METTL16: variants seen among roughly 807,000 people sequenced by gnomAD.
METTL16 encodes methyltransferase 16, RNA N6-adenosine, also known as RNA N(6)-adenosine-methyltransferase METTL16.
METTL16 carries 19 observed loss-of-function variants against 57.9 expected under a neutral mutation model. That is an observed-to-expected ratio of 0.33 (90% CI 0.23 to 0.48). The LOEUF is 0.48. METTL16 is among the 20% of genes least tolerant of loss of function. The pLI, the probability that METTL16 is intolerant of heterozygous loss-of-function variation, is 0.99. For synonymous variants in METTL16, 246 were observed against 255.6 expected (o/e 0.96, Z 0.36); for missense variants, 434 against 691.5 (o/e 0.63, Z 4.18).
At chr17:2,507,560 T>C (rs1433036116) in intron 1 of METTL16, among the ~76,000 whole-genome samples, 2 of 151,482 alleles carry the variant, frequency 1.3e-5, no homozygotes, top group Non-Finnish European at 2.9e-5. Flanking sequence ...GGGGCGCCTC[T>C]GCCCGGCCGC....
At chr17:2,426,728 C>CAAAAAAAAAAAAA (rs778818177) in intron 8 of METTL16, among the ~76,000 whole-genome samples, 2 of 35,152 alleles carry the variant, frequency 5.7e-5, no homozygotes, top group Non-Finnish European at 1.2e-4. Flanking sequence ...GACTCCGTCT[C>CAAAAAAAAAAAAA]AAAAAAAAAA....
chr17:2,477,094 C>T (rs1372931698), intron 3 of METTL16, among the ~76,000 whole-genome samples: 3 of 152,148 alleles, frequency 2.0e-5, no homozygotes, highest in Non-Finnish European at 4.4e-5. Flanking sequence ...GTAATCCCAG[C>T]ACTTTGGGAA....
At chr17:2,457,576 C>T (rs985964848) in intron 6 of METTL16, among the ~76,000 whole-genome samples, 2 of 151,556 alleles carry the variant, frequency 1.3e-5, no homozygotes, top group Non-Finnish European at 2.9e-5. Flanking sequence ...GGCATGGTGG[C>T]GCGTGCCTTT....
intron 6 of METTL16, among the ~76,000 whole-genome samples, chr17:2,458,011 C>G (rs948296814): frequency 6.6e-6 from 1 of 152,094 alleles, no homozygotes; most frequent in African/African-American, 2.4e-5. Context: ...TACTGGGTAG[C>G]TGGGACCACA....
At position 2,511,778 on chromosome 17, in the gene METTL16, G is replaced by A; in HGVS notation, c.-20C>T. 2.5e-6 allele frequency: 1 copy of A among 398,608 alleles called. No individual in the cohort carries two copies. The highest frequency in any genetic ancestry group is 4.4e-6 in the Non-Finnish European group (1 of 226,060). The allele number at this position is 398,608 out of a possible 1,614,324, so 24.7% of individuals were successfully genotyped here. A position where few individuals can be genotyped will look rare whatever the true frequency, so the allele number is the denominator to read the frequency against. ...ACCCACCTCTGAGGCCGAGGTTCCT[G>A]CCAGACGTCGTGTCTGGCGTGGGCC... is the stretch of plus-strand genomic sequence containing the variant. On this transcript the variant is annotated 5_prime_UTR_variant, in exon 1 of 10. Transcript: ENST00000263092.
At chr17:2,447,753 T>G (rs1172203421) in intron 6 of METTL16, among the ~76,000 whole-genome samples, 15 of 75,752 alleles carry the variant, frequency 2.0e-4, no homozygotes, top group Admixed American at 2.6e-4. Context: ...GGGAGGGAGG[T>G]GGGGGGATCA....
At chr17:2,480,046 C>T (rs1197144183) in intron 2 of METTL16, among the ~76,000 whole-genome samples, 1 of 151,842 alleles carries the variant, frequency 6.6e-6, no homozygotes, top group East Asian at 1.9e-4. Flanking sequence ...ATCAGCCAGG[C>T]ATGGTGGCGC....
chr17:2,451,089 A>C (rs1402972138), intron 6 of METTL16, among the ~76,000 whole-genome samples: 1 of 152,322 alleles, frequency 6.6e-6, no homozygotes, highest in South Asian at 2.1e-4. Flanking sequence ...AGTATGAAAA[A>C]TACTATTATA....
At chr17:2,437,379 C>T (rs945973517) in intron 8 of METTL16, among the ~76,000 whole-genome samples, 2 of 152,254 alleles carry the variant, frequency 1.3e-5, no homozygotes, top group South Asian at 2.1e-4. Context: ...TCAACTTCTA[C>T]GTTCTCCAGG....
intron 2 of METTL16, among the ~76,000 whole-genome samples, chr17:2,482,832 GC>G (rs2067316422): frequency 6.6e-6 from 1 of 152,154 alleles, no homozygotes; most frequent in Admixed American, 6.5e-5. Flanking sequence ...GATCACTTGA[GC>G]CCAGGAGATC....
In METTL16 at chr17:2,479,725, C is replaced by T. The variant is rs148887322; in HGVS notation, c.129-1840G>A. ...AAGAGTGCTGTTTCCACCCAGCAAC[C>T]ATGGAAACTTCAGGCAGGTACCATC... On this transcript the variant is annotated intron_variant, in intron 2 of 9. Transcript: ENST00000263092. Among the ~76,000 whole-genome samples the T allele has an allele frequency of 7.9e-5, 12 of 152,200 alleles. No homozygotes were observed. The East Asian group carries it at 2.3e-3, about 29-fold the overall frequency.
chr17:2,458,481 G>T (rs575544592), intron 6 of METTL16, among the ~76,000 whole-genome samples: 34 of 152,158 alleles, frequency 2.2e-4, no homozygotes, highest in African/African-American at 8.0e-4. Context: ...TGAGGCCAAG[G>T]GGGGCAGATC....
chr17:2,439,359 G>A (rs925508957), intron 7 of METTL16, among the ~76,000 whole-genome samples: 7 of 151,998 alleles, frequency 4.6e-5, no homozygotes, highest in Non-Finnish European at 7.4e-5. Context: ...CAATCTGCCC[G>A]CCTCAGCCTC....
intron 3 of METTL16, 59 bp from the exon 4 acceptor site, chr17:2,473,723 C>T (rs1452559362): frequency 1.3e-6 from 2 of 1,520,834 alleles, no homozygotes; most frequent in Non-Finnish European, 1.8e-6. Context: ...TTACAATAAT[C>T]ATGAAAACAC....
chr17:2,438,403 A>G (rs555983719), intron 7 of METTL16, among the ~76,000 whole-genome samples: 58 of 152,328 alleles, frequency 3.8e-4, no homozygotes, highest in African/African-American at 1.2e-3. Context: ...CCCATAAAAC[A>G]TAAGAGAATT....
intron 6 of METTL16, among the ~76,000 whole-genome samples, chr17:2,450,272 T>G (rs2067058925): frequency 6.6e-6 from 1 of 152,222 alleles, no homozygotes; most frequent in African/African-American, 2.4e-5. Flanking sequence ...CTCAGCCTAT[T>G]TAGCAACAAA....
At position 2,420,845 on chromosome 17, in the gene METTL16, C is replaced by G. The variant is rs781434361; in HGVS notation, c.948G>C (p.Val316=). The G allele has an allele frequency of 1.9e-6, 3 of 1,614,202 alleles. No individual in the cohort carries two copies. Among genetic ancestry groups the G allele is most frequent in the Non-Finnish European group, 2.5e-6 (3 of 1,180,042 alleles). ...EKPRKPITFV[V]LASVMKELSL... ...ATAATTCCTTCATCACGGACGCCAG[C>G]ACCACGAATGTTATGGGTTTTCTCG... Residue 316 remains valine (V), a synonymous_variant, in exon 9 of 10, where the codon GTG becomes GTC. Transcript: ENST00000263092. The surrounding 1 kb of genome is among the most constrained non-coding windows in gnomAD (Gnocchi z 5.4).
rs571283452 is a variant in METTL16 at position 2,427,912 on chromosome 17, G to C, written c.889-7008C>G. ...GAGGATCACTTGAGCCCAAGAGTTT[G>C]AGACCAGCTTGGGCAACATGGCAAA... On this transcript the variant is annotated intron_variant, in intron 8 of 9. Transcript: ENST00000263092. Among the ~76,000 whole-genome samples, 17 of 148,312 alleles carry C rather than the reference G, an allele frequency of 1.1e-4. No individual in the cohort carries two copies. The South Asian group carries it at 3.4e-3, about 30-fold the overall frequency.
At chr17:2,485,372 G>A (rs1191546682) in intron 2 of METTL16, among the ~76,000 whole-genome samples, 2 of 152,102 alleles carry the variant, frequency 1.3e-5, no homozygotes, top group Non-Finnish European at 2.9e-5. Context: ...ATAATACAAC[G>A]TAATAAATGT....
Sources: allele counts gnomAD v4.1 joint callset (sites outside exome capture counted in the v4.1 genomes callset), GRCh38; gene constraint gnomAD v4.1.1; non-coding constraint Gnocchi (gnomAD v3.1); transcripts MANE v1.5; gene names NCBI Gene and HGNC (gene_info 2026-07-23, HGNC 2026-07-21).